Variants in ATRNL1 observed in about 807,000 individuals in gnomAD.
ATRNL1 encodes the protein attractin-like protein 1.
In ATRNL1, 95 loss-of-function variants were observed where a neutral mutation model predicts 182.7. The observed-to-expected ratio is 0.52, with a 90% confidence interval of 0.44 to 0.62. The LOEUF is 0.62. ATRNL1 is among the 20% of genes least tolerant of loss of function. The pLI, the probability that ATRNL1 is intolerant of heterozygous loss-of-function variation, is 0.00. For synonymous variants in ATRNL1, 576 were observed against 568.3 expected, an observed-to-expected ratio of 1.01 and a Z score of -0.19; for missense variants, 1,471 against 1,679.5, an observed-to-expected ratio of 0.88 and a Z score of 2.17.
chr10:115,184,882 C>T (rs547473992), intron 8 of ATRNL1, among the ~76,000 whole-genome samples: 4 of 151,922 alleles, frequency 2.6e-5, no homozygotes, highest in South Asian at 2.1e-4. Flanking sequence ...TGCTCTCAGT[C>T]GAGGTTTAGA....
chr10:115,177,903 G>GTTTTTTT (rs147613896), intron 8 of ATRNL1, among the ~76,000 whole-genome samples: 9 of 102,062 alleles, frequency 8.8e-5, no homozygotes, highest in African/African-American at 3.4e-4. Flanking sequence ...TTGTTTTTTT[G>GTTTTTTT]TTTTTTTTGT....
chr10:115,200,231 T>TG (rs1848511340), intron 8 of ATRNL1, among the ~76,000 whole-genome samples: 1 of 152,012 alleles, frequency 6.6e-6, no homozygotes, highest in African/African-American at 2.4e-5. Flanking sequence ...GTTTAGTTTT[T>TG]TTTTTTTAAT....
chr10:115,829,598 TC>T (rs1950514211), intron 27 of ATRNL1, among the ~76,000 whole-genome samples: 1 of 152,058 alleles, frequency 6.6e-6, no homozygotes, highest in Non-Finnish European at 1.5e-5. Flanking sequence ...TCATTTCCCT[TC>T]CTGAGCTAGC....
chr10:115,201,443 A>G (rs1171724604), intron 8 of ATRNL1, among the ~76,000 whole-genome samples: 6 of 152,110 alleles, frequency 3.9e-5, no homozygotes, highest in African/African-American at 9.7e-5. Context: ...TCAGCTTTCT[A>G]CATATGGCTA....
chr10:115,758,197 T>G (rs2134137185), intron 27 of ATRNL1, among the ~76,000 whole-genome samples: 1 of 152,170 alleles, frequency 6.6e-6, no homozygotes, highest in South Asian at 2.1e-4. Flanking sequence ...CCCATTTTGT[T>G]CCTTTGCTGG....
intron 18 of ATRNL1, among the ~76,000 whole-genome samples, chr10:115,332,712 G>C (rs1223794600): frequency 6.6e-6 from 1 of 152,040 alleles, no homozygotes; most frequent in African/African-American, 2.4e-5. Context: ...TTGTTTGTCT[G>C]TTTCTTCACA....
intron 20 of ATRNL1, among the ~76,000 whole-genome samples, chr10:115,409,302 C>A (rs1845015927): frequency 6.6e-6 from 1 of 151,898 alleles, no homozygotes; most frequent in Non-Finnish European, 1.5e-5. Flanking sequence ...ATATTTATTT[C>A]TAGGTACTTT....
intron 15 of ATRNL1, among the ~76,000 whole-genome samples, chr10:115,299,196 T>A (rs1443410461): frequency 6.6e-6 from 1 of 151,842 alleles, no homozygotes; most frequent in Non-Finnish European, 1.5e-5. Context: ...AAAATAGAGA[T>A]GTTTATAATA....
chr10:115,522,192 A>G (rs1232929582), intron 25 of ATRNL1, among the ~76,000 whole-genome samples: 1 of 152,212 alleles, frequency 6.6e-6, no homozygotes, highest in Admixed American at 6.5e-5. Flanking sequence ...CTGAAAAGGA[A>G]TACCTAAGGC....
intron 24 of ATRNL1, among the ~76,000 whole-genome samples, chr10:115,501,156 A>T (rs1849815387): frequency 1.3e-5 from 2 of 149,724 alleles, no homozygotes; most frequent in Admixed American, 6.7e-5. Context: ...CTAGTCTTGA[A>T]CTCCTAACCT....
At chr10:115,844,413 A>C (rs1232137328) in intron 27 of ATRNL1, among the ~76,000 whole-genome samples, 3 of 152,028 alleles carry the variant, frequency 2.0e-5, no homozygotes, top group Non-Finnish European at 4.4e-5. Context: ...CCCAGGATTG[A>C]TCCTGAGCTC....
At chr10:115,943,832 G>A (rs1397490009) in intron 28 of ATRNL1, among the ~76,000 whole-genome samples, 1 of 151,850 alleles carries the variant, frequency 6.6e-6, no homozygotes, top group Non-Finnish European at 1.5e-5. Flanking sequence ...CCGCACAATG[G>A]AATATAATTC....
At chr10:115,520,767 G>A (rs1427313935) in intron 25 of ATRNL1, among the ~76,000 whole-genome samples, 1 of 152,030 alleles carries the variant, frequency 6.6e-6, no homozygotes, top group Non-Finnish European at 1.5e-5. Flanking sequence ...CTTCAGATTT[G>A]TAAAGTATTT....
intron 27 of ATRNL1, among the ~76,000 whole-genome samples, chr10:115,756,799 G>A (rs1258284177): frequency 2.0e-5 from 3 of 152,132 alleles, no homozygotes; most frequent in Admixed American, 1.3e-4. Context: ...GGGAGTCTAA[G>A]TCTCTTTGTA....
chr10:115,754,083 G>C (rs1178921398), intron 27 of ATRNL1, among the ~76,000 whole-genome samples: 1 of 152,158 alleles, frequency 6.6e-6, no homozygotes, highest in Admixed American at 6.5e-5. Flanking sequence ...CCCTTTGTCA[G>C]ATGGATAGAT....
chr10:115,915,425 TTACAA>T (rs1952820504), intron 28 of ATRNL1, among the ~76,000 whole-genome samples: 1 of 151,948 alleles, frequency 6.6e-6, no homozygotes, highest in Admixed American at 6.6e-5. Context: ...TTTTTGACAG[TTACAA>T]TGAAGCCAAG....
chr10:115,638,870 G>A (rs2133851343), intron 26 of ATRNL1, among the ~76,000 whole-genome samples: 1 of 152,256 alleles, frequency 6.6e-6, no homozygotes, highest in East Asian at 1.9e-4. Context: ...AGATAAAATA[G>A]AGTGAAAGAT....
chr10:115,747,912 T>C (rs143191178), intron 27 of ATRNL1, among the ~76,000 whole-genome samples: 3 of 152,000 alleles, frequency 2.0e-5, no homozygotes, highest in Admixed American at 6.6e-5. Flanking sequence ...ACACACTCCA[T>C]TGGCCTTCTT....
chr10:115,327,167 G>A (rs1441925501), intron 18 of ATRNL1, among the ~76,000 whole-genome samples: 3 of 151,198 alleles, frequency 2.0e-5, no homozygotes, highest in Non-Finnish European at 4.4e-5. Context: ...ATGGGAGAAA[G>A]TTTTCGCAAC....
Sources: gnomAD v4.1 joint callset for allele counts (sites outside exome capture counted in the v4.1 genomes callset) on GRCh38, gnomAD v4.1.1 for gene constraint, MANE v1.5 for transcripts, NCBI Gene and HGNC (gene_info 2026-07-23, HGNC 2026-07-21) for gene names.